Variants in SLC9A9 observed in about 807,000 individuals in gnomAD.
SLC9A9 encodes sodium/hydrogen exchanger 9.
In SLC9A9, 62 loss-of-function variants were observed where a neutral mutation model predicts 77.8. That is an observed-to-expected ratio of 0.80 (90% CI 0.65 to 0.98). The LOEUF is 0.98. Ranked by LOEUF, SLC9A9 falls within the 50% of genes least tolerant of loss-of-function variation. SLC9A9 has a pLI of 0.00. For synonymous variants in SLC9A9, 320 were observed against 283.5 expected (o/e 1.13, Z -1.29); for missense variants, 775 against 774.9 (o/e 1.00, Z 0.00).
chr3:143,468,348 T>A (rs1471218475), intron 11 of SLC9A9, among the ~76,000 whole-genome samples: 1 of 152,252 alleles, frequency 6.6e-6, no homozygotes, highest in Non-Finnish European at 1.5e-5. Context: ...AACTTCTTCA[T>A]TGAATTGCTT....
At chr3:143,843,737 T>C (rs1162098122) in intron 1 of SLC9A9, among the ~76,000 whole-genome samples, 1 of 152,196 alleles carries the variant, frequency 6.6e-6, no homozygotes, top group Non-Finnish European at 1.5e-5. Flanking sequence ...AATGGAATTC[T>C]TAATGCTGTC....
At chr3:143,567,772 C>T (rs1451586860) in intron 8 of SLC9A9, among the ~76,000 whole-genome samples, 2 of 152,130 alleles carry the variant, frequency 1.3e-5, no homozygotes, top group Non-Finnish European at 2.9e-5. Flanking sequence ...GAGCAAGCTG[C>T]TTACACTGAA....
rs2008219298 is a variant in SLC9A9 at position 143,791,385 on chromosome 3, G to T, written c.533+3616C>A. 2.6e-5 allele frequency among the ~76,000 whole-genome samples: 4 copies of T among 152,166 alleles called. No homozygotes were observed. The South Asian group carries it at 6.2e-4, about 24-fold the overall frequency. On this transcript the variant is annotated intron_variant, in intron 4 of 15. Transcript: ENST00000316549. ...ACCCAATGATCTCCATTCCTGTAAA[G>T]CATCTGAGTCCAGCTAAAACCAATA...
At chr3:143,442,241 A>G (rs998402791) in intron 12 of SLC9A9, among the ~76,000 whole-genome samples, 8 of 152,212 alleles carry the variant, frequency 5.3e-5, no homozygotes, top group African/African-American at 1.9e-4. Context: ...ACAGTTTCTG[A>G]AAGGACTCAT....
chr3:143,620,037 C>T (rs980789035), intron 6 of SLC9A9, among the ~76,000 whole-genome samples: 2 of 152,178 alleles, frequency 1.3e-5, no homozygotes, highest in East Asian at 3.9e-4. Flanking sequence ...ATCTTAGCCA[C>T]AGAAGAGAAG....
At chr3:143,463,038 T>G (rs2035223317) in intron 12 of SLC9A9, among the ~76,000 whole-genome samples, 1 of 152,214 alleles carries the variant, frequency 6.6e-6, no homozygotes, top group Non-Finnish European at 1.5e-5. Flanking sequence ...ACTTTGCATT[T>G]TATTATCTGA....
chr3:143,815,884 C>A (rs62268880), intron 2 of SLC9A9, among the ~76,000 whole-genome samples: 43,788 of 151,912 alleles, frequency 0.29, 6,344 homozygotes, highest in South Asian at 0.37. Flanking sequence ...AACAAACAAA[C>A]AAACAAAAAC....
intron 14 of SLC9A9, among the ~76,000 whole-genome samples, chr3:143,318,225 A>C (rs2031293431): frequency 6.6e-6 from 1 of 152,312 alleles, no homozygotes; most frequent in African/African-American, 2.4e-5. Context: ...TCTTAAATAC[A>C]TTTTACCCTT....
At chr3:143,561,045 GTGGTGT>G in intron 8 of SLC9A9, among the ~76,000 whole-genome samples, 1 of 152,266 alleles carries the variant, frequency 6.6e-6, no homozygotes, top group African/African-American at 2.4e-5. Flanking sequence ...GCCGGGCGTG[GTGGTGT>G]GCGCCTGTAA....
chr3:143,517,946 G>A (rs1178478516), intron 9 of SLC9A9: 2 of 1,470,666 alleles, frequency 1.4e-6, no homozygotes, highest in East Asian at 2.3e-5. Flanking sequence ...TTCTTAAGGA[G>A]CATCAGTGTC....
chr3:143,640,446 C>T (rs2038602587), intron 6 of SLC9A9, among the ~76,000 whole-genome samples: 1 of 152,186 alleles, frequency 6.6e-6, no homozygotes, highest in South Asian at 2.1e-4. Flanking sequence ...GAAACCATCA[C>T]TGGGCACTCT....
intron 6 of SLC9A9, among the ~76,000 whole-genome samples, chr3:143,603,072 A>T (rs1313493318): frequency 2.0e-5 from 3 of 152,242 alleles, no homozygotes. Flanking sequence ...GAAATATGCA[A>T]ACTAGGCCTG....
chr3:143,387,559 G>A (rs1559893255), intron 12 of SLC9A9, among the ~76,000 whole-genome samples: 1 of 152,012 alleles, frequency 6.6e-6, no homozygotes, highest in Non-Finnish European at 1.5e-5. Context: ...TGCCTCTATG[G>A]TATTCAAATG....
intron 9 of SLC9A9, among the ~76,000 whole-genome samples, chr3:143,499,667 A>G (rs554204373): frequency 6.6e-6 from 1 of 152,290 alleles, no homozygotes; most frequent in Non-Finnish European, 1.5e-5. Flanking sequence ...AGTGCAAAAT[A>G]CAAGTGAGAT....
intron 2 of SLC9A9, among the ~76,000 whole-genome samples, chr3:143,816,616 G>A (rs957520272): frequency 6.6e-6 from 1 of 152,078 alleles, no homozygotes; most frequent in South Asian, 2.1e-4. Context: ...ATGCTGCAAT[G>A]TATATTCTTG....
intron 14 of SLC9A9, among the ~76,000 whole-genome samples, chr3:143,351,463 G>C (rs1223784268): frequency 6.6e-6 from 1 of 152,210 alleles, no homozygotes; most frequent in Non-Finnish European, 1.5e-5. Context: ...TCTTACAAAG[G>C]CTAGGCCGAG....
intron 1 of SLC9A9, among the ~76,000 whole-genome samples, chr3:143,835,775 A>G (rs2009552743): frequency 6.6e-6 from 1 of 152,232 alleles, no homozygotes; most frequent in South Asian, 2.1e-4. Flanking sequence ...TTGGTAAACC[A>G]TGAAACCAGG....
At chr3:143,273,925 T>C (rs2108399727) in intron 14 of SLC9A9, among the ~76,000 whole-genome samples, 1 of 152,340 alleles carries the variant, frequency 6.6e-6, no homozygotes, top group East Asian at 1.9e-4. Context: ...TGTCTCCCTA[T>C]GTCCATAAGC....
chr3:143,610,453 T>C (rs576634147), intron 6 of SLC9A9, among the ~76,000 whole-genome samples: 2 of 152,232 alleles, frequency 1.3e-5, no homozygotes, highest in Non-Finnish European at 2.9e-5. Context: ...AGCCCACATT[T>C]CTATTCTTGA....
Sources: allele counts gnomAD v4.1 joint callset (sites outside exome capture counted in the v4.1 genomes callset), GRCh38; gene constraint gnomAD v4.1.1; transcripts MANE v1.5; gene names NCBI Gene and HGNC (gene_info 2026-07-23, HGNC 2026-07-21).